The following ZDHHC14 variants were observed in gnomAD, a reference collection of about 807,000 sequenced individuals.
ZDHHC14 encodes zDHHC palmitoyltransferase 14, also known as palmitoyltransferase ZDHHC14.
Under a neutral mutation model 47.7 loss-of-function variants are expected in ZDHHC14, and 16 were observed. The observed-to-expected ratio is 0.34, with a 90% confidence interval of 0.23 to 0.51. ZDHHC14 has a LOEUF of 0.51. Ranked by LOEUF, ZDHHC14 falls within the 20% of genes least tolerant of loss-of-function variation. The probability of loss-of-function intolerance (pLI) is 0.97; values close to 1 mark genes in which losing one functional copy is unlikely to be tolerated. For synonymous variants in ZDHHC14, 293 were observed against 278.9 expected, an observed-to-expected ratio of 1.05 and a Z score of -0.50; for missense variants, 515 against 662.5, an observed-to-expected ratio of 0.78 and a Z score of 2.44.
chr6:157,428,440 A>G (rs1272747507), intron 1 of ZDHHC14, among the ~76,000 whole-genome samples: 1 of 152,216 alleles, frequency 6.6e-6, no homozygotes, highest in Non-Finnish European at 1.5e-5. Context: ...TGGAATGACA[A>G]GTAATTGAGA....
intron 2 of ZDHHC14, among the ~76,000 whole-genome samples, chr6:157,548,702 T>C (rs1013677921): frequency 6.6e-6 from 1 of 150,928 alleles, no homozygotes; most frequent in African/African-American, 2.5e-5. Context: ...CGCCTGGGCC[T>C]CCCAAAGTGC....
chr6:157,624,480 T>C (rs554715198), intron 3 of ZDHHC14, among the ~76,000 whole-genome samples: 1 of 152,340 alleles, frequency 6.6e-6, no homozygotes, highest in Non-Finnish European at 1.5e-5. Flanking sequence ...GTCTGAAAAT[T>C]GTGTCCTCAC....
chr6:157,603,261 A>G (rs1784407212), intron 3 of ZDHHC14, among the ~76,000 whole-genome samples: 1 of 152,236 alleles, frequency 6.6e-6, no homozygotes, highest in African/African-American at 2.4e-5. Flanking sequence ...GAAATTTCAC[A>G]CAGGTTCGTT....
At chr6:157,419,540 C>G (rs1169269564) in intron 1 of ZDHHC14, among the ~76,000 whole-genome samples, 3 of 152,198 alleles carry the variant, frequency 2.0e-5, no homozygotes, top group Non-Finnish European at 4.4e-5. Context: ...TCCCGACTGT[C>G]GTAGAGTTGG....
chr6:157,549,611 G>C (rs1782139109), intron 2 of ZDHHC14, among the ~76,000 whole-genome samples: 5 of 152,178 alleles, frequency 3.3e-5, no homozygotes, highest in Admixed American at 1.3e-4. Context: ...ACAAGGTCAG[G>C]GTGGCAGCTC....
At chr6:157,387,308 T>A (rs1777332262) in intron 1 of ZDHHC14, among the ~76,000 whole-genome samples, 1 of 152,096 alleles carries the variant, frequency 6.6e-6, no homozygotes, top group African/African-American at 2.4e-5. Context: ...CTTGGGGCTA[T>A]CCCCTGCAAA....
chr6:157,404,322 G>A (rs1469880441), intron 1 of ZDHHC14, among the ~76,000 whole-genome samples: 3 of 152,028 alleles, frequency 2.0e-5, no homozygotes, highest in Non-Finnish European at 4.4e-5. Context: ...TTTCGTAGAG[G>A]TGGGGTTTTT....
intron 2 of ZDHHC14, among the ~76,000 whole-genome samples, chr6:157,573,961 C>G (rs72565463): frequency 0.62 from 93,135 of 150,702 alleles, 29,642 homozygotes; most frequent in African/African-American, 0.78. Flanking sequence ...ACCTCGGGGT[C>G]GGGGGGGAAG....
At chr6:157,580,483 A>G (rs1486675929) in intron 2 of ZDHHC14, among the ~76,000 whole-genome samples, 1 of 151,978 alleles carries the variant, frequency 6.6e-6, no homozygotes, top group Admixed American at 6.6e-5. Flanking sequence ...CTCTTTATAT[A>G]TCTGGTAGAA....
At chr6:157,541,279 G>T (rs1249512536) in intron 1 of ZDHHC14, among the ~76,000 whole-genome samples, 9 of 152,128 alleles carry the variant, frequency 5.9e-5, no homozygotes. Flanking sequence ...AGGTCTGCAG[G>T]CCTCTTGAAG....
At chr6:157,567,403 C>T (rs1302481294) in intron 2 of ZDHHC14, among the ~76,000 whole-genome samples, 1 of 152,210 alleles carries the variant, frequency 6.6e-6, no homozygotes. Flanking sequence ...ATTCCTCACT[C>T]TAAGCACTTA....
rs577872953 is a variant in ZDHHC14 at position 157,550,237 on chromosome 6, C to T, written c.406+7492C>T. ...AGCATCACATAGTCATTCTAGCTAG[C>T]GACCGCAGCATCACACAGACACTCT... On this transcript the variant is annotated intron_variant, in intron 2 of 8. Transcript: ENST00000359775. 1.1e-4 allele frequency among the ~76,000 whole-genome samples: 17 copies of T among 152,138 alleles called. No individual in the cohort carries two copies. The South Asian group carries it at 2.5e-3, about 22-fold the overall frequency.
chr6:157,460,227 A>T (rs976178968), intron 1 of ZDHHC14, among the ~76,000 whole-genome samples: 1 of 146,780 alleles, frequency 6.8e-6, no homozygotes, highest in Admixed American at 6.8e-5. Flanking sequence ...AACAAAAAAC[A>T]AAACAAAACA....
At chr6:157,658,741 G>A (rs1191862760) in intron 8 of ZDHHC14, among the ~76,000 whole-genome samples, 4 of 152,178 alleles carry the variant, frequency 2.6e-5, no homozygotes, top group African/African-American at 7.2e-5. Context: ...GGATCGTTCT[G>A]TCTGTATTCA....
intron 1 of ZDHHC14, among the ~76,000 whole-genome samples, chr6:157,484,455 T>C (rs933392653): frequency 4.7e-4 from 68 of 143,434 alleles, no homozygotes; most frequent in African/African-American, 1.7e-3. Flanking sequence ...TATATGTATA[T>C]GTGTATATAT....
intron 1 of ZDHHC14, among the ~76,000 whole-genome samples, chr6:157,444,893 G>C (rs377188905): frequency 4.0e-4 from 61 of 152,218 alleles, no homozygotes; most frequent in Middle Eastern, 3.4e-3. Context: ...TCATTGAAAG[G>C]TCAGGCAGGA....
At chr6:157,524,032 A>T (rs1362091500) in intron 1 of ZDHHC14, among the ~76,000 whole-genome samples, 1 of 152,250 alleles carries the variant, frequency 6.6e-6, no homozygotes, top group Non-Finnish European at 1.5e-5. Flanking sequence ...ACAGAAATGC[A>T]GCTGGAAGAG....
intron 3 of ZDHHC14, among the ~76,000 whole-genome samples, chr6:157,616,011 C>T (rs961747781): frequency 6.6e-6 from 1 of 152,196 alleles, no homozygotes; most frequent in Non-Finnish European, 1.5e-5. Flanking sequence ...TCTGCAGACA[C>T]ATTGGGGGTG....
At chr6:157,522,840 C>T (rs751850913) in intron 1 of ZDHHC14, among the ~76,000 whole-genome samples, 2,767 of 30,964 alleles carry the variant, frequency 0.089, 148 homozygotes, top group African/African-American at 0.16. Context: ...TCCCTCCCTT[C>T]CTTCCTTCCT....
Sources: allele counts gnomAD v4.1 joint callset (sites outside exome capture counted in the v4.1 genomes callset), GRCh38; gene constraint gnomAD v4.1.1; transcripts MANE v1.5; gene names NCBI Gene and HGNC (gene_info 2026-07-23, HGNC 2026-07-21).